TBC1D21: variants seen among roughly 807,000 people sequenced by gnomAD.
TBC1D21 encodes the protein male germ cell Rab GTPase-activating protein.
A neutral mutation model predicts 46.0 loss-of-function variants in TBC1D21; 38 were observed. The observed-to-expected ratio is 0.83, with a 90% confidence interval of 0.64 to 1.08. TBC1D21 has a LOEUF of 1.08. Ranked by LOEUF, TBC1D21 falls within the 50% of genes least tolerant of loss-of-function variation. TBC1D21 has a pLI of 0.00. For synonymous variants in TBC1D21, 151 were observed against 157.2 expected, an observed-to-expected ratio of 0.96 and a Z score of 0.29; for missense variants, 415 against 417.9, an observed-to-expected ratio of 0.99 and a Z score of 0.06.
At chr15:73,906,915 C>T in the TBC1D21 span, among the ~76,000 whole-genome samples, 1 of 151,352 alleles carries the variant, frequency 6.6e-6, no homozygotes, top group African/African-American at 2.5e-5. Context: ...AGATTCACCT[C>T]TTCAGGCTCT....
chr15:73,898,815 G>A, the TBC1D21 span, among the ~76,000 whole-genome samples: 1 of 130,192 alleles, frequency 7.7e-6, no homozygotes, highest in African/African-American at 2.9e-5. Context: ...AGTGAGCCAA[G>A]ATTGCACCAC....
At chr15:73,900,238 A>G in the TBC1D21 span, among the ~76,000 whole-genome samples, 1 of 152,168 alleles carries the variant, frequency 6.6e-6, no homozygotes, top group Non-Finnish European at 1.5e-5. Flanking sequence ...TGAGAATGAA[A>G]CAAGACAGGC....
rs1306594337 is a variant in TBC1D21 at position 73,881,452 on chromosome 15, G to C, written c.114G>C (p.Glu38Asp). ...CAGAATGGGACAGCTTCTTTGATGAGAGTGGCCACTTGGCCAAATCACGGG... is the reference window on the plus strand; with the variant it reads ...CAGAATGGGACAGCTTCTTTGATGACAGTGGCCACTTGGCCAAATCACGGG... ...DKTEWDSFFD[E>D]SGHLAKSRDF... The change falls in exon 2 of 11, where the codon GAG becomes GAC. Residue 38 changes from glutamate to aspartate, a missense_variant. Transcript: ENST00000300504. 1 of 1,614,104 alleles carries C rather than the reference G, an allele frequency of 6.2e-7. No homozygotes were observed. The highest frequency in any genetic ancestry group is 1.3e-5 in the African/African-American group (1 of 74,950).
intron 1 of TBC1D21, among the ~76,000 whole-genome samples, chr15:73,874,777 C>A (rs560774376): frequency 6.6e-6 from 1 of 152,326 alleles, no homozygotes; most frequent in Non-Finnish European, 1.5e-5. Context: ...GTAACTCATC[C>A]CTCCAGGGCA....
chr15:73,873,922 A>C (rs1249802476), intron 1 of TBC1D21, among the ~76,000 whole-genome samples, 153 bp downstream of exon 1: 1 of 152,230 alleles, frequency 6.6e-6, no homozygotes, highest in Non-Finnish European at 1.5e-5. Flanking sequence ...CCATCAGCCC[A>C]AGGACAGGAC....
chr15:73,903,632 T>G, the TBC1D21 span, among the ~76,000 whole-genome samples: 4 of 152,156 alleles, frequency 2.6e-5, no homozygotes, highest in Admixed American at 6.5e-5. Flanking sequence ...TAAGGCAACA[T>G]ATTCAATCAT....
At position 73,887,743 on chromosome 15, in the gene TBC1D21, G is replaced by A; in HGVS notation, c.894+7G>A. The stretch of plus-strand genomic sequence containing the variant: ...CGGGGATGACATCCTCCTGGTGAGA[G>A]CACCCTCGGGCAAGCTACCACCCCT... On this transcript the variant is annotated splice_region_variant and intron_variant, in intron 9 of 10. Coordinates refer to ENST00000300504, the MANE Select transcript of TBC1D21 (RefSeq NM_153356.3). 26 of 1,610,208 alleles carry A rather than the reference G, an allele frequency of 1.6e-5. No homozygotes were observed. Among genetic ancestry groups the A allele is most frequent in the East Asian group, 2.2e-5 (1 of 44,864 alleles).
Position 73,889,078 on chromosome 15 carries a change from A to G in TBC1D21, c.988A>G (p.Thr330Ala), listed in dbSNP as rs373269983. ...AELIQKDVPQ[T>A]LKDFFL is the part of the protein sequence containing the mutation. ...CCTGCCTCCTCCCTAGGTTCCTCAG[A>G]CATTAAAGGATTTCTTCCTCTGAGG... Residue 330 changes from threonine to alanine, a missense_variant, in exon 11 of 11, where the codon ACA becomes GCA. By Grantham distance (58) the Thr-to-Ala change is moderately conservative. Transcript: ENST00000300504. The G allele has an allele frequency of 1.6e-5, 26 of 1,613,350 alleles. No homozygotes were observed. Among genetic ancestry groups the G allele is most frequent in the Non-Finnish European group, 2.1e-5 (25 of 1,179,794 alleles).
At chr15:73,897,251 G>A in the TBC1D21 span, among the ~76,000 whole-genome samples, 6 of 152,282 alleles carry the variant, frequency 3.9e-5, no homozygotes, top group African/African-American at 7.2e-5. Context: ...TTGTGTGACC[G>A]TGGACAATAT....
At chr15:73,884,967 C>CCCCCCCCCA in intron 5 of TBC1D21, 36 bp from the exon 6 acceptor site, 1 of 1,563,730 alleles carries the variant, frequency 6.4e-7, no homozygotes, top group Non-Finnish European at 8.8e-7. Flanking sequence ...GGCTCTCCCA[C>CCCCCCCCCA]CCAGCCCCTC....
chr15:73,883,755 C>T (rs1408242895), intron 3 of TBC1D21, among the ~76,000 whole-genome samples: 1 of 152,198 alleles, frequency 6.6e-6, no homozygotes, highest in East Asian at 1.9e-4. Flanking sequence ...CAAAACACCG[C>T]CTCACTCAGC....
the TBC1D21 span, among the ~76,000 whole-genome samples, chr15:73,907,304 G>T: frequency 6.6e-6 from 1 of 152,340 alleles, no homozygotes; most frequent in South Asian, 2.1e-4. Context: ...GCCATGAGCA[G>T]CTGCTGCTCC....
Position 73,886,600 on chromosome 15 carries a change from G to C in TBC1D21, c.765G>C (p.Trp255Cys). The change falls in exon 8 of 11, where the codon TGG (tryptophan) becomes TGC (cysteine). Residue 255 changes from tryptophan (W) to cysteine (C), a missense_variant. Coordinates refer to ENST00000300504, the MANE Select transcript of TBC1D21 (RefSeq NM_153356.3). ...CCTTCAAGTCCTTCGATGATGTCTG[G>C]AGGCTCTGGGAGGTGAGGTGTCCAG... ...QRAFKSFDDVWRLWEVLLTGK... is the reference protein window; with the variant it reads ...QRAFKSFDDVCRLWEVLLTGK... 1 of 1,613,416 alleles carries C rather than the reference G, an allele frequency of 6.2e-7. No homozygotes were observed. Among genetic ancestry groups the C allele is most frequent in the Non-Finnish European group, 8.5e-7 (1 of 1,179,998 alleles).
rs539517539 is a variant in TBC1D21, at chr15:73,876,199, GTTTTTTTTTTTTTTTTTTTTTTTTTTT to G, written c.60+2450_60+2476del. 9.2e-4 allele frequency among the ~76,000 whole-genome samples: 26 copies of G among 28,326 alleles called. 1 individual carries two copies. The highest frequency in any genetic ancestry group is 2.0e-3 in the East Asian group (3 of 1,510). 18.6% of individuals were successfully genotyped at this position (28,326 alleles called of 152,430 possible). On this transcript the variant is annotated intron_variant, in intron 1 of 10. Coordinates refer to ENST00000300504, the MANE Select transcript of TBC1D21 (RefSeq NM_153356.3). ...GAAGAATCAGTGACTTTTTTTGTGG[GTTTTTTTTTTTTTTTTTTTTTTTTTTT>G]TTTTTTTTTTTTTTTTTTTGAGACG...
At chr15:73,899,688 C>T in the TBC1D21 span, among the ~76,000 whole-genome samples, 2 of 152,156 alleles carry the variant, frequency 1.3e-5, no homozygotes, top group East Asian at 1.9e-4. Flanking sequence ...TGTGTATGAA[C>T]GCTAAATGCC....
rs201344348 is a variant in TBC1D21, at chr15:73,887,605, C to T, written c.778-15C>T. ...TCAGACCACAGGGCCCAGACTGAGA[C>T]GTCCTGACCCACAGGTTCTGCTGAC... On this transcript the variant is annotated splice_polypyrimidine_tract_variant and intron_variant, in intron 8 of 10. Transcript: ENST00000300504. 5.6e-4 allele frequency: 906 copies of T among 1,610,700 alleles called. 1 individual carries two copies. The highest frequency in any genetic ancestry group is 6.9e-4 in the Non-Finnish European group (816 of 1,177,096).
chr15:73,884,980 C>T, intron 5 of TBC1D21, 23 bp from the exon 6 acceptor site: 2 of 1,569,464 alleles, frequency 1.3e-6, no homozygotes, highest in Non-Finnish European at 1.8e-6. Flanking sequence ...AGCCCCTCCT[C>T]CCCAACCCCC....
chr15:73,899,926 G>T, the TBC1D21 span, among the ~76,000 whole-genome samples: 1 of 152,252 alleles, frequency 6.6e-6, no homozygotes, highest in Non-Finnish European at 1.5e-5. Context: ...CTCTGTGCCA[G>T]AAGTCTGCAC....
intron 3 of TBC1D21, 38 bp downstream of exon 3, chr15:73,881,785 C>G: frequency 6.4e-7 from 1 of 1,572,784 alleles, no homozygotes; most frequent in South Asian, 1.1e-5. Flanking sequence ...AGGAGGGGGG[C>G]CTGCAGGTGG....
Sources: gnomAD v4.1 joint callset for allele counts (sites outside exome capture counted in the v4.1 genomes callset) on GRCh38, gnomAD v4.1.1 for gene constraint, MANE v1.5 for transcripts, NCBI Gene and HGNC (gene_info 2026-07-23, HGNC 2026-07-21) for gene names.